ARMC2: variants seen among roughly 807,000 people sequenced by gnomAD.
ARMC2 encodes armadillo repeat containing 2, also known as armadillo repeat-containing protein 2.
In ARMC2, 67 loss-of-function variants were observed where a neutral mutation model predicts 90.3. The ratio of observed to expected loss-of-function variants is 0.74; its 90% CI spans 0.61 to 0.91. The LOEUF is 0.91. ARMC2 is among the 40% of genes least tolerant of loss of function. ARMC2 has a pLI of 0.00. For synonymous variants in ARMC2, 393 were observed against 393.0 expected (o/e 1.00, Z 0.00); for missense variants, 920 against 1,030.9 (o/e 0.89, Z 1.47).
chr6:108,859,639 T>C (rs779148772), intron 3 of ARMC2, among the ~76,000 whole-genome samples: 11 of 152,198 alleles, frequency 7.2e-5, no homozygotes, highest in Non-Finnish European at 1.5e-4. Context: ...ATTAATTGAA[T>C]ATTTAATATC....
At chr6:109,018,651 T>C in the ARMC2 span, among the ~76,000 whole-genome samples, 1 of 152,238 alleles carries the variant, frequency 6.6e-6, no homozygotes, top group Non-Finnish European at 1.5e-5. Flanking sequence ...TTAACTTTTA[T>C]GTTTATAATA....
intron 4 of ARMC2, among the ~76,000 whole-genome samples, chr6:108,870,029 A>G (rs944296080): frequency 6.6e-6 from 1 of 152,220 alleles, no homozygotes; most frequent in Admixed American, 6.5e-5. Flanking sequence ...GGGTCATATT[A>G]CAAACTGATT....
the ARMC2 span, among the ~76,000 whole-genome samples, chr6:109,004,467 C>T: frequency 6.0e-5 from 9 of 149,676 alleles, no homozygotes; most frequent in South Asian, 2.1e-4. Context: ...GACAGAGTCT[C>T]GCTGTGTCAC....
chr6:108,940,634 G>C (rs1468257369), intron 12 of ARMC2, among the ~76,000 whole-genome samples: 1 of 152,134 alleles, frequency 6.6e-6, no homozygotes, highest in African/African-American at 2.4e-5. Context: ...CCTAGTCCCA[G>C]GTATTCTTTT....
intron 4 of ARMC2, among the ~76,000 whole-genome samples, chr6:108,872,206 TC>T (rs1776488784): frequency 6.6e-6 from 1 of 152,208 alleles, no homozygotes; most frequent in Non-Finnish European, 1.5e-5. Context: ...GGTTTGGAAT[TC>T]CTGCTTCAAG....
At position 108,961,678 on chromosome 6, in the gene ARMC2, G is replaced by A. The variant is rs1778010996; in HGVS notation, c.2022G>A (p.Lys674=). Reference sequence around the variant, plus strand: ...AGAATTCCATAATTCAAGACAAAAAGCTATATATTGCTGAATGTAAGGTTC... The same window carrying A: ...AGAATTCCATAATTCAAGACAAAAAACTATATATTGCTGAATGTAAGGTTC... The part of the protein sequence containing the change: ...QVKNSIIQDK[K]LYIAELLLKL... The change falls in exon 14 of 18, where the codon AAG becomes AAA. Residue 674 remains lysine, a synonymous_variant. Coordinates refer to ENST00000392644, the MANE Select transcript of ARMC2 (RefSeq NM_032131.6). The A allele has an allele frequency of 6.2e-7, 1 of 1,603,552 alleles. No homozygotes were observed. The highest frequency in any genetic ancestry group is 1.1e-5 in the South Asian group (1 of 89,718).
chr6:109,021,395 GAGTAGGGGAAA>G, the ARMC2 span, among the ~76,000 whole-genome samples: 4 of 152,100 alleles, frequency 2.6e-5, no homozygotes, highest in African/African-American at 9.7e-5. Flanking sequence ...TACAACCCTA[GAGTAGGGGAAA>G]AGTTTGGAGA....
rs1156379229 is a variant in ARMC2, at chr6:108,912,373, A to G, written c.1165A>G (p.Thr389Ala). ...LEVLRSEDLQTNMEAFLYCMG... is the reference protein window; with the variant it reads ...LEVLRSEDLQANMEAFLYCMG... ...GGTACTAAGAAGTGAAGACCTGCAA[A>G]CTAACATGGAAGCTTTTTTATACTG... The change falls in exon 10 of 18, where the codon ACT (threonine) becomes GCT (alanine). Residue 389 changes from threonine to alanine, a missense_variant. Thr to Ala is a moderately conservative substitution (Grantham distance 58). Transcript: ENST00000392644. 6.2e-7 allele frequency: 1 copy of G among 1,611,602 alleles called. No homozygotes were observed.
chr6:108,986,202 A>ACTC, the ARMC2 span, among the ~76,000 whole-genome samples: 1 of 152,112 alleles, frequency 6.6e-6, no homozygotes, highest in African/African-American at 2.4e-5. Flanking sequence ...TTCTATTGGA[A>ACTC]CTCTAAAACA....
chr6:109,019,575 C>T, the ARMC2 span, among the ~76,000 whole-genome samples: 4 of 152,174 alleles, frequency 2.6e-5, no homozygotes, highest in Non-Finnish European at 5.9e-5. Flanking sequence ...TTCAAGAAAA[C>T]ATAAATAAAG....
intron 1 of ARMC2, among the ~76,000 whole-genome samples, chr6:108,853,334 A>G (rs754486054): frequency 2.0e-5 from 3 of 152,230 alleles, no homozygotes; most frequent in Non-Finnish European, 4.4e-5. Flanking sequence ...TTCTACTTAT[A>G]GAAATGGAAT....
intron 12 of ARMC2, 23 bp from the exon 13 acceptor site, chr6:108,953,010 A>G (rs1777298564): frequency 1.3e-6 from 2 of 1,577,904 alleles, no homozygotes; most frequent in Non-Finnish European, 1.7e-6. Context: ...TGCACTTTTG[A>G]CTCTGTCTTT....
chr6:109,046,564 C>T, the ARMC2 span, among the ~76,000 whole-genome samples: 2 of 144,476 alleles, frequency 1.4e-5, no homozygotes, highest in Non-Finnish European at 3.1e-5. Flanking sequence ...ATGTGAGGAG[C>T]CCCTCTGCCT....
At chr6:108,896,012 A>G (rs568195250) in intron 6 of ARMC2, among the ~76,000 whole-genome samples, 5 of 152,372 alleles carry the variant, frequency 3.3e-5, no homozygotes, top group Middle Eastern at 3.4e-3. Flanking sequence ...ATTTTACAAT[A>G]CTAAATAGTA....
At chr6:108,976,867 T>C (rs572515937), downstream of ARMC2, among the ~76,000 whole-genome samples, 142 of 152,364 alleles carry the variant, frequency 9.3e-4, no homozygotes, top group African/African-American at 3.4e-3. Context: ...CTTGAGACTT[T>C]GCTGAAATTG....
At chr6:108,864,330 C>T (rs536155138) in intron 3 of ARMC2, among the ~76,000 whole-genome samples, 81 of 148,452 alleles carry the variant, frequency 5.5e-4, no homozygotes, top group African/African-American at 2.0e-3. Flanking sequence ...CTCACTGCAA[C>T]CATTGCCTCC....
At chr6:108,961,454 T>A in intron 13 of ARMC2, 118 bp from the exon 14 acceptor site, 1 of 1,157,150 alleles carries the variant, frequency 8.6e-7, no homozygotes, top group East Asian at 2.6e-5. Context: ...TCCAGGGCCT[T>A]TGTAGGGACC....
At chr6:108,848,927 G>A (rs1039471704) in intron 1 of ARMC2, 2 of 152,194 alleles carry the variant, frequency 1.3e-5, no homozygotes, top group African/African-American at 4.8e-5. Context: ...TGCTGTCAGG[G>A]GTCCGGAGCG....
chr6:108,867,671 T>G (rs1163896002), intron 3 of ARMC2, among the ~76,000 whole-genome samples: 1 of 151,942 alleles, frequency 6.6e-6, no homozygotes, highest in Non-Finnish European at 1.5e-5. Flanking sequence ...CTTGGGAGGC[T>G]GAGACCGGAG....
Sources: gnomAD v4.1 joint callset for allele counts (sites outside exome capture counted in the v4.1 genomes callset) on GRCh38, gnomAD v4.1.1 for gene constraint, MANE v1.5 for transcripts, NCBI Gene and HGNC (gene_info 2026-07-23, HGNC 2026-07-21) for gene names.